Variants in FHIT observed in about 807,000 individuals in gnomAD.
The protein encoded by FHIT is fragile histidine triad diadenosine triphosphatase.
In FHIT, 19 loss-of-function variants were observed where a neutral mutation model predicts 17.9. That is an observed-to-expected ratio of 1.06 (90% CI 0.74 to 1.56). The LOEUF is 1.56. Among genes scored for constraint, FHIT ranks in the 40% most tolerant of loss-of-function variants. FHIT has a pLI of 0.00. For missense variants in FHIT, 248 were observed against 189.2 expected (o/e 1.31, Z -1.82); for synonymous variants, 81 against 69.7 (o/e 1.16, Z -0.81).
intron 5 of FHIT, among the ~76,000 whole-genome samples, chr3:60,029,879 T>TTCTGTGTGTGTG (rs1553655669): frequency 7.6e-6 from 1 of 131,402 alleles, no homozygotes; most frequent in African/African-American, 2.8e-5. Context: ...CATAGAAGCA[T>TTCTGTGTGTGTG]TGTGTGTGTG....
At chr3:60,483,441 C>T (rs1416649729) in intron 5 of FHIT, among the ~76,000 whole-genome samples, 1 of 152,152 alleles carries the variant, frequency 6.6e-6, no homozygotes, top group African/African-American at 2.4e-5. Context: ...AAAATACTGG[C>T]AAACCAAATC....
At chr3:60,167,689 G>T (rs1012607371) in intron 5 of FHIT, among the ~76,000 whole-genome samples, 3 of 152,198 alleles carry the variant, frequency 2.0e-5, no homozygotes, top group African/African-American at 7.2e-5. Context: ...ATCCTGCCAT[G>T]AAAGTGGAGA....
At chr3:60,816,058 C>T (rs1057160417) in intron 4 of FHIT, among the ~76,000 whole-genome samples, 4 of 151,904 alleles carry the variant, frequency 2.6e-5, no homozygotes, top group African/African-American at 9.7e-5. Context: ...TATTGGTGTA[C>T]AGAAATGCTA....
chr3:60,924,017 C>T (rs9836556), intron 3 of FHIT, among the ~76,000 whole-genome samples: 8 of 152,182 alleles, frequency 5.3e-5, no homozygotes, highest in African/African-American at 1.7e-4. Flanking sequence ...GGGGAGGGGC[C>T]CCTGCCATTG....
At chr3:60,269,721 C>T (rs1188474079) in intron 5 of FHIT, among the ~76,000 whole-genome samples, 1 of 152,260 alleles carries the variant, frequency 6.6e-6, no homozygotes, top group East Asian at 1.9e-4. Flanking sequence ...AACACAGGGT[C>T]ATTTTCTTCA....
chr3:60,578,476 C>CACACACACAT, intron 4 of FHIT, among the ~76,000 whole-genome samples: 1 of 148,406 alleles, frequency 6.7e-6, no homozygotes, highest in Non-Finnish European at 1.5e-5. Flanking sequence ...CACACACACA[C>CACACACACAT]GATAAATATT....
At chr3:59,762,234 A>G (rs1178321326) in intron 8 of FHIT, among the ~76,000 whole-genome samples, 1 of 152,170 alleles carries the variant, frequency 6.6e-6, no homozygotes, top group Non-Finnish European at 1.5e-5. Flanking sequence ...TTGTACAATG[A>G]AAACTTATGA....
chr3:59,826,359 C>A (rs187144871), intron 8 of FHIT, among the ~76,000 whole-genome samples: 92 of 152,284 alleles, frequency 6.0e-4, no homozygotes, highest in Admixed American at 1.9e-3. Context: ...CCTTTTCCAG[C>A]AACTTCCATT....
At chr3:60,804,047 T>A (rs1256579021) in intron 4 of FHIT, among the ~76,000 whole-genome samples, 1 of 152,206 alleles carries the variant, frequency 6.6e-6, no homozygotes, top group African/African-American at 2.4e-5. Flanking sequence ...AGCTCCATTT[T>A]GAGGCAGTAG....
At chr3:60,711,978 C>G (rs1430375274) in intron 4 of FHIT, among the ~76,000 whole-genome samples, 16 of 152,106 alleles carry the variant, frequency 1.1e-4, no homozygotes, top group African/African-American at 3.9e-4. Context: ...TTGTCAGATT[C>G]ACCAAAGTTG....
chr3:60,453,555 A>G (rs2031888145), intron 5 of FHIT, among the ~76,000 whole-genome samples: 1 of 152,176 alleles, frequency 6.6e-6, no homozygotes, highest in African/African-American at 2.4e-5. Flanking sequence ...TGTAAAACAT[A>G]AAGGCAGCTA....
At chr3:61,013,630 A>C (rs562637997) in intron 3 of FHIT, among the ~76,000 whole-genome samples, 118 of 152,304 alleles carry the variant, frequency 7.7e-4, no homozygotes, top group African/African-American at 2.8e-3. Flanking sequence ...AAAAGAAGGG[A>C]GAGAGAAAAA....
At chr3:60,258,018 C>T (rs1273095502) in intron 5 of FHIT, among the ~76,000 whole-genome samples, 2 of 151,096 alleles carry the variant, frequency 1.3e-5, no homozygotes, top group Non-Finnish European at 2.9e-5. Context: ...TGTAACAAAC[C>T]TGCAATCCTG....
intron 5 of FHIT, among the ~76,000 whole-genome samples, chr3:60,335,540 G>A (rs9878437): frequency 0.19 from 28,247 of 151,898 alleles, 2,988 homozygotes; most frequent in African/African-American, 0.29. Flanking sequence ...TGCCAGGAAT[G>A]AGCATCTACA....
intron 3 of FHIT, among the ~76,000 whole-genome samples, chr3:61,007,161 T>C (rs2031507214): frequency 6.6e-6 from 1 of 152,254 alleles, no homozygotes; most frequent in African/African-American, 2.4e-5. Context: ...ATTGCTTTGC[T>C]TCTTCTTTAG....
chr3:60,446,130 G>T (rs77063016), intron 5 of FHIT, among the ~76,000 whole-genome samples: 2 of 152,068 alleles, frequency 1.3e-5, no homozygotes, highest in Non-Finnish European at 2.9e-5. Flanking sequence ...TGGAGTTCTT[G>T]AGAGTCCTGG....
At chr3:60,499,683 T>G (rs1559494702) in intron 5 of FHIT, among the ~76,000 whole-genome samples, 1 of 152,160 alleles carries the variant, frequency 6.6e-6, no homozygotes, top group Non-Finnish European at 1.5e-5. Context: ...CCGGCCTCTC[T>G]GTGTTTTTTT....
At chr3:60,680,283 A>C (rs1472218325) in intron 4 of FHIT, among the ~76,000 whole-genome samples, 1 of 152,214 alleles carries the variant, frequency 6.6e-6, no homozygotes, top group Non-Finnish European at 1.5e-5. Flanking sequence ...TGATTTTAGA[A>C]GGCATTTCCT....
intron 8 of FHIT, among the ~76,000 whole-genome samples, chr3:59,755,899 G>C (rs1701192645): frequency 2.0e-5 from 3 of 151,862 alleles, no homozygotes; most frequent in Admixed American, 2.0e-4. Flanking sequence ...TCTCCAAGAA[G>C]GCGAGAGTTA....
Sources: gnomAD v4.1 joint callset for allele counts (sites outside exome capture counted in the v4.1 genomes callset) on GRCh38, gnomAD v4.1.1 for gene constraint, MANE v1.5 for transcripts, NCBI Gene and HGNC (gene_info 2026-07-23, HGNC 2026-07-21) for gene names.